Variants in BRD2 observed in about 807,000 individuals in gnomAD.
BRD2 encodes bromodomain-containing protein 2.
BRD2 carries 15 observed loss-of-function variants against 79.1 expected under a neutral mutation model. The ratio of observed to expected loss-of-function variants is 0.19; its 90% confidence interval spans 0.13 to 0.29. The LOEUF is 0.29. Among genes scored for constraint, BRD2 ranks in the 10% least tolerant of loss-of-function variants. The pLI is 1.00. For missense variants in BRD2, 1,053 were observed against 991.3 expected (o/e 1.06, Z -0.84); for synonymous variants, 488 against 358.6 (o/e 1.36, Z -4.08).
Position 32,972,905 on chromosome 6 carries a change from C to T in BRD2, c.7C>T (p.Gln3Ter), listed in dbSNP as rs1778214145. 2 of 1,613,952 alleles carry T rather than the reference C, an allele frequency of 1.2e-6. No homozygotes were observed. The highest frequency in any genetic ancestry group is 1.7e-6 in the Non-Finnish European group (2 of 1,179,968). ...CCGGTTCCTTGCGGTCAAGATGCTG[C>T]AAAACGTGACTCCCCACAATAAGTA... is the stretch of plus-strand genomic sequence containing the variant. The part of the protein sequence containing the change: ML[Q>*]NVTPHNKLPG... Residue 3 changes from glutamine (Q) to a stop codon, truncating the protein, a stop_gained, in exon 2 of 13, where the codon CAA becomes TAA. Coordinates refer to ENST00000374825, the MANE Select transcript of BRD2 (RefSeq NM_005104.4). LOFTEE classifies it high-confidence loss of function.
rs377684930 is a variant in BRD2, at chr6:32,972,920, C to G, written c.22C>G (p.His8Asp). 9.3e-6 allele frequency: 15 copies of G among 1,613,930 alleles called. No individual in the cohort carries two copies. Among genetic ancestry groups the G allele is most frequent in the African/African-American group, 1.3e-5 (1 of 74,912 alleles). ...CAAGATGCTGCAAAACGTGACTCCC[C>G]ACAATAAGTACGTTTCCGCGAGCCG... MLQNVTP[H>D]NKLPGEGNAG... Residue 8 changes from histidine to aspartate, a missense_variant, in exon 2 of 13, where the codon CAC becomes GAC. This residue lies in a region of BRD2 where 413 missense variants were observed against 335.1 expected (regional missense o/e 1.23). Transcript: ENST00000374825.
chr6:32,972,595 G>C lies in BRD2; in HGVS notation c.-304G>C. 1 of 544,798 alleles carries C rather than the reference G, an allele frequency of 1.8e-6. No individual in the cohort carries two copies. The highest frequency in any genetic ancestry group is 3.3e-6 in the Non-Finnish European group (1 of 305,518). 33.7% of individuals were successfully genotyped at this position (544,798 alleles called of 1,614,324 possible). On this transcript the variant is annotated 5_prime_UTR_variant, in exon 2 of 13. Transcript: ENST00000374825. ...ACCAACAGCGGGCTATATTGACGACGGTGTCTGAGATCGGGGACCGTCTTT... is the reference window on the plus strand; with the variant it reads ...ACCAACAGCGGGCTATATTGACGACCGTGTCTGAGATCGGGGACCGTCTTT...
chr6:32,975,309 TGAGA>T (rs70996746), intron 3 of BRD2, 71 bp from the exon 4 acceptor site: 2 of 1,030,258 alleles, frequency 1.9e-6, no homozygotes, highest in Non-Finnish European at 2.8e-6. Context: ...TGTGTGTGTG[TGAGA>T]GTCGGGGATC....
rs1328214125 is a variant in BRD2, at chr6:32,980,719, G to A, written c.*1G>A. ...CACCAGTGATTCAGACTCAGGCTAA[G>A]GGGTCAGGCCAGATGGGGCAGGAAG... On this transcript the variant is annotated 3_prime_UTR_variant, in exon 13 of 13. Transcript: ENST00000374825. 1 of 1,612,644 alleles carries A rather than the reference G, an allele frequency of 6.2e-7. No homozygotes were observed. The highest frequency in any genetic ancestry group is 1.1e-5 in the South Asian group (1 of 91,050).
intron 9 of BRD2, 27 bp downstream of exon 9, chr6:32,978,032 A>C: frequency 6.2e-7 from 1 of 1,606,462 alleles, no homozygotes; most frequent in Non-Finnish European, 8.5e-7. Flanking sequence ...GAAAGTTTTT[A>C]TTGGGTAAGA....
chr6:32,972,971 C>A, intron 2 of BRD2, 44 bp downstream of exon 2: 3 of 1,613,952 alleles, frequency 1.9e-6, no homozygotes, highest in Non-Finnish European at 2.5e-6. Flanking sequence ...TGTTGCAGGG[C>A]GGCGGCACAG....
chr6:32,981,050 G>T lies in BRD2; in HGVS notation c.*332G>T. 1 of 265,676 alleles carries T rather than the reference G, an allele frequency of 3.8e-6. No homozygotes were observed. Among genetic ancestry groups the T allele is most frequent in the Non-Finnish European group, 7.3e-6 (1 of 137,126 alleles). The allele number at this position is 265,676 out of a possible 1,614,324, so 16.5% of individuals were successfully genotyped here. A position where few individuals can be genotyped will look rare whatever the true frequency, so the allele number is the denominator to read the frequency against. ...CACAGCTGCCCTATTCACTTCTAAG[G>T]GCCCTGTTTTGAGATTGTTTGTTCT... On this transcript the variant is annotated 3_prime_UTR_variant, in exon 13 of 13. Transcript: ENST00000374825.
chr6:32,974,433 T>G lies in BRD2; in HGVS notation c.30-29T>G, dbSNP rs765748498. The G allele has an allele frequency of 5.7e-6, 9 of 1,591,966 alleles. No homozygotes were observed. The East Asian group carries it at 1.3e-4, about 24-fold the overall frequency. On this transcript the variant is annotated intron_variant, in intron 2 of 12. Transcript: ENST00000374825. ...GCACTTTTTCCTCATTTGGACGATATTGCCCTAATTTTGTTCCCATCTTTA... is the reference window on the plus strand; with the variant it reads ...GCACTTTTTCCTCATTTGGACGATAGTGCCCTAATTTTGTTCCCATCTTTA...
rs1779366691 is a variant in BRD2, at chr6:32,980,438, A to G, written c.2243A>G (p.Asn748Ser). The G allele has an allele frequency of 1.9e-6, 3 of 1,613,000 alleles. No individual in the cohort carries two copies. The highest frequency in any genetic ancestry group is 2.2e-5 in the East Asian group (1 of 44,896). ...KRLQDVSGQL[N>S]STKKPPKKAN... ...TTACAAGATGTCAGCGGACAGCTCAATTCTACTAAAAAGCCCCCCAAGAAA... is the reference window on the plus strand; with the variant it reads ...TTACAAGATGTCAGCGGACAGCTCAGTTCTACTAAAAAGCCCCCCAAGAAA... The change falls in exon 12 of 13, where the codon AAT becomes AGT. Residue 748 changes from asparagine to serine, a missense_variant. By Grantham distance (46) the Asn-to-Ser change is conservative (BLOSUM62 1). Transcript: ENST00000374825.
chr6:32,971,793 G>T lies in BRD2; in HGVS notation c.-1106G>T. The T allele has an allele frequency of 1.6e-6, 1 of 632,500 alleles. No homozygotes were observed. Among genetic ancestry groups the T allele is most frequent in the Non-Finnish European group, 2.8e-6 (1 of 353,508 alleles). 39.2% of individuals were successfully genotyped at this position (632,500 alleles called of 1,614,324 possible). Reference sequence around the variant, plus strand: ...TGGGCTGTGCATGGAAGCTTGGGAAGACTTTGTTGGAAGGGGAGGCGGGGA... The same window carrying T: ...TGGGCTGTGCATGGAAGCTTGGGAATACTTTGTTGGAAGGGGAGGCGGGGA... On this transcript the variant is annotated 5_prime_UTR_variant, in exon 2 of 13. Coordinates refer to ENST00000374825, the MANE Select transcript of BRD2 (RefSeq NM_005104.4).
rs752535764 is a variant in BRD2 at position 32,974,768 on chromosome 6, G to C, written c.333+3G>C. 6.2e-7 allele frequency: 1 copy of C among 1,612,330 alleles called. No homozygotes were observed. Among genetic ancestry groups the C allele is most frequent in the African/African-American group, 1.3e-5 (1 of 75,022 alleles). ...ATGCTGTCAAACTGGGTCTACCGGT[G>C]AGTAGAGACATTGGAGCCGGGGAGG... On this transcript the variant is annotated splice_donor_region_variant and intron_variant, in intron 3 of 12. Coordinates refer to ENST00000374825, the MANE Select transcript of BRD2 (RefSeq NM_005104.4).
rs368750193 is a variant in BRD2 at position 32,968,971 on chromosome 6, TGG to T, written c.-1382_-1381del. 2.1e-3 allele frequency: 385 copies of T among 180,646 alleles called. 5 individuals carry two copies. In the South Asian group the frequency reaches 0.027, roughly 13 times the overall value. 11.2% of individuals were successfully genotyped at this position (180,646 alleles called of 1,614,324 possible). ...CCTCCCCCAGCACGGCTTCGTTTTC[TGG>T]GGGGGGGTTGACACCCCGGATTACA... On this transcript the variant is annotated 5_prime_UTR_variant, in exon 1 of 13. An upstream open reading frame in the 5' UTR gains an earlier in-frame stop. Transcript: ENST00000374825.
intron 1 of BRD2, 53 bp from the exon 2 acceptor site, chr6:32,971,542 C>T: frequency 2.2e-6 from 1 of 456,066 alleles, no homozygotes; most frequent in Non-Finnish European, 3.9e-6. Flanking sequence ...TAGCTGTTCG[C>T]CATAGAGGAG....
rs142112689 is a variant in BRD2 at position 32,977,546 on chromosome 6, T to C, written c.1305T>C (p.Val435=). 5.0e-6 allele frequency: 8 copies of C among 1,613,930 alleles called. No individual in the cohort carries two copies. The highest frequency in any genetic ancestry group is 6.8e-6 in the Non-Finnish European group (8 of 1,180,050). The change falls in exon 8 of 13, where the codon GTT becomes GTC. Residue 435 remains valine, a synonymous_variant. Coordinates refer to ENST00000374825, the MANE Select transcript of BRD2 (RefSeq NM_005104.4). ...AGTACAATCCCCCAGATCACGATGT[T>C]GTGGCAATGGCACGAAAGCTACAGG... ...CYKYNPPDHD[V]VAMARKLQDV...
chr6:32,978,540 G>T, intron 10 of BRD2, 152 bp downstream of exon 10: 1 of 1,316,148 alleles, frequency 7.6e-7, no homozygotes, highest in Non-Finnish European at 1.0e-6. Flanking sequence ...CCAGGGACCA[G>T]TTTCGTGGAA....
chr6:32,976,206 A>G (rs772216959), intron 5 of BRD2, 37 bp downstream of exon 5: 1 of 1,611,270 alleles, frequency 6.2e-7, no homozygotes, highest in Admixed American at 1.7e-5. Flanking sequence ...GGACAACTAA[A>G]GATGGGGAAG....
chr6:32,980,861 G>A lies in BRD2; in HGVS notation c.*143G>A. 4.0e-6 allele frequency: 4 copies of A among 989,792 alleles called. No homozygotes were observed. Among genetic ancestry groups the A allele is most frequent in the South Asian group, 3.1e-5 (2 of 63,780 alleles). 61.3% of individuals were successfully genotyped at this position (989,792 alleles called of 1,614,324 possible). A position where few individuals can be genotyped will look rare whatever the true frequency, so the allele number is the denominator to read the frequency against. On this transcript the variant is annotated 3_prime_UTR_variant, in exon 13 of 13. Coordinates refer to ENST00000374825, the MANE Select transcript of BRD2 (RefSeq NM_005104.4). Reference sequence around the variant, plus strand: ...CCTCTAGGAGAGCTGGCTCTGCAGTGGGGGAGGGATGCAGGGACATTTACT... The same window carrying A: ...CCTCTAGGAGAGCTGGCTCTGCAGTAGGGGAGGGATGCAGGGACATTTACT...
In BRD2 at chr6:32,976,887, A is replaced by G; in HGVS notation, c.1151A>G (p.His384Arg). ...GTGGATGCTTCTGCACTTGGCCTGCATGACTACCATGACATCATTAAGCAC... is the reference window on the plus strand; with the variant it reads ...GTGGATGCTTCTGCACTTGGCCTGCGTGACTACCATGACATCATTAAGCAC... ...KPVDASALGL[H>R]DYHDIIKHPM... is the part of the protein sequence containing the mutation. Residue 384 changes from histidine (H) to arginine (R), a missense_variant, in exon 7 of 13, where the codon CAT (histidine) becomes CGT (arginine). Physicochemically the swap from His to Arg is conservative, Grantham distance 29. This residue lies in a region of BRD2 where 454 missense variants were observed against 430.5 expected (regional missense o/e 1.05). Coordinates refer to ENST00000374825, the MANE Select transcript of BRD2 (RefSeq NM_005104.4). The G allele has an allele frequency of 1.2e-6, 2 of 1,613,046 alleles. No individual in the cohort carries two copies. Among genetic ancestry groups the G allele is most frequent in the Non-Finnish European group, 1.7e-6 (2 of 1,179,986 alleles).
Position 32,978,023 on chromosome 6 carries a change from A to C in BRD2, c.1578+18A>C. On this transcript the variant is annotated intron_variant, in intron 9 of 12. Transcript: ENST00000374825. ...AGGAACAGGTATTTTGTCACTCTTGAAAGTTTTTATTGGGTAAGAGGTTCA... is the reference window on the plus strand; with the variant it reads ...AGGAACAGGTATTTTGTCACTCTTGCAAGTTTTTATTGGGTAAGAGGTTCA... 5 of 1,607,340 alleles carry C rather than the reference A, an allele frequency of 3.1e-6. No homozygotes were observed. Among genetic ancestry groups the C allele is most frequent in the Non-Finnish European group, 3.4e-6 (4 of 1,178,278 alleles).
Sources: allele counts gnomAD v4.1 joint callset, GRCh38; gene constraint gnomAD v4.1.1; regional missense constraint gnomAD v4.1.1; transcripts MANE v1.5; gene names NCBI Gene and HGNC (gene_info 2026-07-23, HGNC 2026-07-21).